Variants in RELN observed in about 807,000 individuals in gnomAD.
The protein encoded by RELN is reelin.
Under a neutral mutation model 427.6 loss-of-function variants are expected in RELN, and 108 were observed. That is an observed-to-expected ratio of 0.25 (90% CI 0.22 to 0.30). The LOEUF (loss-of-function observed/expected upper bound fraction) is 0.30. Among genes scored for constraint, RELN ranks in the 10% least tolerant of loss-of-function variants. The pLI, the probability that RELN is intolerant of heterozygous loss-of-function variation, is 1.00. For synonymous variants in RELN, 1,524 were observed against 1,513.4 expected, an observed-to-expected ratio of 1.01 and a Z score of -0.16; for missense variants, 3,715 against 4,302.8, an observed-to-expected ratio of 0.86 and a Z score of 3.82.
At chr7:103,609,350 C>G (rs1392716605) in intron 22 of RELN, among the ~76,000 whole-genome samples, 1 of 151,780 alleles carries the variant, frequency 6.6e-6, no homozygotes, top group Non-Finnish European at 1.5e-5. Flanking sequence ...AAAAATAAAC[C>G]TCAGTAGCTC....
intron 2 of RELN, among the ~76,000 whole-genome samples, chr7:103,903,540 T>C (rs1304656809): frequency 1.3e-5 from 2 of 152,110 alleles, no homozygotes; most frequent in African/African-American, 4.8e-5. Context: ...CACAAATACA[T>C]TTTTAACACG....
At chr7:103,597,554 A>C (rs1831566752) in intron 24 of RELN, among the ~76,000 whole-genome samples, 1 of 152,170 alleles carries the variant, frequency 6.6e-6, no homozygotes, top group South Asian at 2.1e-4. Context: ...AGTGAGCGAG[A>C]TCAGGCCACT....
chr7:103,791,445 A>G (rs1792159464), intron 3 of RELN, among the ~76,000 whole-genome samples: 1 of 152,216 alleles, frequency 6.6e-6, no homozygotes, highest in South Asian at 2.1e-4. Flanking sequence ...GTATACTTTT[A>G]CATTTATGGT....
At chr7:103,842,621 G>A (rs1389208612) in intron 2 of RELN, among the ~76,000 whole-genome samples, 1 of 152,156 alleles carries the variant, frequency 6.6e-6, no homozygotes, top group African/African-American at 2.4e-5. Context: ...AATAGTACGT[G>A]CACACACACT....
intron 12 of RELN, among the ~76,000 whole-genome samples, chr7:103,655,535 A>T (rs1001518513): frequency 2.6e-5 from 4 of 152,110 alleles, no homozygotes; most frequent in African/African-American, 9.6e-5. Flanking sequence ...AAATAAACTA[A>T]GAAGAAAGTG....
chr7:103,516,787 T>G (rs556114272), intron 49 of RELN, among the ~76,000 whole-genome samples: 3 of 152,200 alleles, frequency 2.0e-5, no homozygotes, highest in Non-Finnish European at 2.9e-5. Flanking sequence ...ATATTAATTT[T>G]GTTTATACAG....
chr7:103,474,649 A>G (rs1254004192), intron 64 of RELN, among the ~76,000 whole-genome samples: 2 of 152,180 alleles, frequency 1.3e-5, no homozygotes, highest in Admixed American at 6.5e-5. Context: ...GAACTAATCA[A>G]GTGTCAAGAA....
At chr7:103,507,130 A>G (rs1183770829) in intron 51 of RELN, among the ~76,000 whole-genome samples, 3 of 142,062 alleles carry the variant, frequency 2.1e-5, no homozygotes, top group African/African-American at 8.2e-5. Context: ...AACGAGACAG[A>G]AAATTAACAA....
At chr7:103,731,263 G>A (rs1790346677) in intron 6 of RELN, among the ~76,000 whole-genome samples, 1 of 152,100 alleles carries the variant, frequency 6.6e-6, no homozygotes, top group African/African-American at 2.4e-5. Flanking sequence ...AGATGAGTGT[G>A]TGATAGGGCA....
chr7:103,592,495 A>T (rs1393084992), intron 27 of RELN, among the ~76,000 whole-genome samples: 1 of 152,176 alleles, frequency 6.6e-6, no homozygotes, highest in Non-Finnish European at 1.5e-5. Context: ...GAACATACAC[A>T]TGCATGTGTC....
intron 2 of RELN, among the ~76,000 whole-genome samples, chr7:103,855,958 A>T (rs1207536532): frequency 1.3e-5 from 2 of 152,184 alleles, no homozygotes; most frequent in Non-Finnish European, 2.9e-5. Context: ...GGACTTCAAC[A>T]CAGCATTTTG....
chr7:103,565,442 T>C lies in RELN; in HGVS notation c.5046A>G (p.Val1682=). ...CSKPFSNSHS[V]QLQYSLNNGK... ...CATTGTTCAGAGAATACTGGAGCTG[T>C]ACACTGTGGGAGTTGCTGAAGGGCT... The change falls in exon 34 of 65, where the codon GTA becomes GTG. Residue 1682 remains valine, a synonymous_variant. Coordinates refer to ENST00000428762, the MANE Select transcript of RELN (RefSeq NM_005045.4). 1 of 1,613,944 alleles carries C rather than the reference T, an allele frequency of 6.2e-7. No homozygotes were observed.
At chr7:103,517,498 A>C (rs1223851859) in intron 49 of RELN, among the ~76,000 whole-genome samples, 2 of 152,184 alleles carry the variant, frequency 1.3e-5, no homozygotes, top group Non-Finnish European at 2.9e-5. Context: ...ACTAAAGTAG[A>C]TTAGACAGTT....
chr7:103,642,059 T>G (rs1346670028), intron 16 of RELN, among the ~76,000 whole-genome samples: 1 of 152,186 alleles, frequency 6.6e-6, no homozygotes, highest in Non-Finnish European at 1.5e-5. Flanking sequence ...GGCTTCTTTT[T>G]TCCTAAGAGT....
At chr7:103,742,049 G>A (rs895667985) in intron 6 of RELN, among the ~76,000 whole-genome samples, 1 of 152,078 alleles carries the variant, frequency 6.6e-6, no homozygotes, top group Non-Finnish European at 1.5e-5. Flanking sequence ...ACACGGCCAG[G>A]TACTCCTCTG....
chr7:103,767,552 A>G (rs544586326), intron 4 of RELN, among the ~76,000 whole-genome samples: 1 of 152,302 alleles, frequency 6.6e-6, no homozygotes, highest in African/African-American at 2.4e-5. Flanking sequence ...AACATTTTCA[A>G]TAGGACTCAT....
intron 4 of RELN, among the ~76,000 whole-genome samples, chr7:103,754,293 C>A (rs530043247): frequency 1.3e-5 from 2 of 152,092 alleles, no homozygotes; most frequent in African/African-American, 4.8e-5. Flanking sequence ...TCATCTATTT[C>A]TTTCCATTTT....
rs147893681 is a variant in RELN, at chr7:103,617,285, T to C, written c.2703-5482A>G. On this transcript the variant is annotated intron_variant, in intron 20 of 64. Coordinates refer to ENST00000428762, the MANE Select transcript of RELN (RefSeq NM_005045.4). ...AGGATATATAGTCTGTCATATGTGTTGAAAATATTCCCTTGCTTCAAATTT... is the reference window on the plus strand; with the variant it reads ...AGGATATATAGTCTGTCATATGTGTCGAAAATATTCCCTTGCTTCAAATTT... Among the ~76,000 whole-genome samples the C allele has an allele frequency of 2.1e-3, 314 of 152,296 alleles. 1 individual carries two copies. Among genetic ancestry groups the C allele is most frequent in the African/African-American group, 7.0e-3 (289 of 41,566 alleles).
chr7:103,612,311 CTT>C (rs772526302), intron 20 of RELN, among the ~76,000 whole-genome samples: 58 of 142,712 alleles, frequency 4.1e-4, no homozygotes, highest in African/African-American at 1.1e-3. Context: ...TTAAATAAGC[CTT>C]TTTTTTTTTT....
Sources: gnomAD v4.1 joint callset for allele counts (sites outside exome capture counted in the v4.1 genomes callset) on GRCh38, gnomAD v4.1.1 for gene constraint, MANE v1.5 for transcripts, NCBI Gene and HGNC (gene_info 2026-07-23, HGNC 2026-07-21) for gene names.